The following OXSR1 variants were observed in gnomAD, a reference collection of about 807,000 sequenced individuals.
OXSR1 encodes serine/threonine-protein kinase OSR1.
OXSR1 carries 24 observed loss-of-function variants against 79.8 expected under a neutral mutation model. The observed-to-expected ratio is 0.30, with a 90% CI of 0.22 to 0.42. OXSR1 has a LOEUF of 0.42. Ranked by LOEUF, OXSR1 falls within the 10% of genes least tolerant of loss-of-function variation. The probability of loss-of-function intolerance (pLI) is 1.00; values close to 1 mark genes in which losing one functional copy is unlikely to be tolerated. For missense variants in OXSR1, 430 were observed against 618.4 expected, an observed-to-expected ratio of 0.70 and a Z score of 3.23; for synonymous variants, 226 against 209.2, an observed-to-expected ratio of 1.08 and a Z score of -0.69.
At chr3:38,202,498 G>C (rs955293362) in intron 4 of OXSR1, among the ~76,000 whole-genome samples, 4 of 152,138 alleles carry the variant, frequency 2.6e-5, no homozygotes, top group Non-Finnish European at 5.9e-5. Flanking sequence ...TCCTGCCCAA[G>C]CCTCTCTAGT....
At chr3:38,202,275 A>T (rs1482573293) in intron 4 of OXSR1, among the ~76,000 whole-genome samples, 18 of 152,236 alleles carry the variant, frequency 1.2e-4, no homozygotes, top group Admixed American at 1.2e-3. Flanking sequence ...TGATTGTTAA[A>T]GTTTCTTGGG....
intron 1 of OXSR1, among the ~76,000 whole-genome samples, chr3:38,180,200 C>A (rs1334117107): frequency 6.6e-6 from 1 of 152,112 alleles, no homozygotes; most frequent in Non-Finnish European, 1.5e-5. Context: ...GCCTCAGCCG[C>A]CTAAAGTGCT....
At chr3:38,240,257 A>G (rs1158429836) in intron 11 of OXSR1, among the ~76,000 whole-genome samples, 1 of 152,166 alleles carries the variant, frequency 6.6e-6, no homozygotes, top group East Asian at 1.9e-4. Context: ...TGTATATGCA[A>G]AACAGTTCAG....
intron 2 of OXSR1, among the ~76,000 whole-genome samples, chr3:38,188,080 T>C (rs188955945): frequency 1.3e-5 from 2 of 152,326 alleles, no homozygotes; most frequent in Admixed American, 1.3e-4. Flanking sequence ...AGAAAAAGAA[T>C]ATTTAAGCCC....
rs926710398 is a variant in OXSR1 at position 38,198,811 on chromosome 3, C to T, written c.382C>T (p.Arg128Ter). The change falls in exon 4 of 18, where the codon CGA (arginine) becomes TGA (stop). Residue 128 changes from arginine to a stop codon, truncating the protein, a stop_gained. Transcript: ENST00000311806. LOFTEE classifies it high-confidence loss of function. ...LDESTIATIL[R>*]EVLEGLEYLH... is the part of the protein sequence containing the mutation. ...TGAATCTACCATTGCTACGATACTC[C>T]GAGAAGTACTGGAAGGGCTGGAATA... 1.9e-6 allele frequency: 3 copies of T among 1,613,194 alleles called. No individual in the cohort carries two copies. The highest frequency in any genetic ancestry group is 1.1e-5 in the South Asian group (1 of 91,046).
intron 10 of OXSR1, among the ~76,000 whole-genome samples, chr3:38,232,117 A>C (rs1702820837): frequency 6.6e-6 from 1 of 151,764 alleles, no homozygotes; most frequent in Non-Finnish European, 1.5e-5. Context: ...AAAAAAAACA[A>C]AAGAAGAGCG....
At chr3:38,201,749 A>G (rs1235812041) in intron 4 of OXSR1, among the ~76,000 whole-genome samples, 1 of 152,010 alleles carries the variant, frequency 6.6e-6, no homozygotes, top group East Asian at 1.9e-4. Flanking sequence ...CTGTGGTCTC[A>G]GCTACTCAGG....
At chr3:38,205,200 C>T (rs1702244029) in intron 4 of OXSR1, among the ~76,000 whole-genome samples, 1 of 152,220 alleles carries the variant, frequency 6.6e-6, no homozygotes, top group Non-Finnish European at 1.5e-5. Flanking sequence ...TCTTTCCTAT[C>T]ACCATTAGTG....
intron 5 of OXSR1, among the ~76,000 whole-genome samples, chr3:38,218,958 G>A (rs1279456989): frequency 6.6e-6 from 1 of 152,024 alleles, no homozygotes; most frequent in Non-Finnish European, 1.5e-5. Context: ...AGTCCATCTT[G>A]AACTTTAATT....
chr3:38,198,498 G>A (rs897088917), intron 3 of OXSR1, among the ~76,000 whole-genome samples: 1 of 152,070 alleles, frequency 6.6e-6, no homozygotes, highest in African/African-American at 2.4e-5. Context: ...GGAGATGCTG[G>A]CATAACATAC....
intron 8 of OXSR1, among the ~76,000 whole-genome samples, chr3:38,226,802 C>T (rs1399856700): frequency 1.3e-5 from 2 of 151,426 alleles, no homozygotes; most frequent in Non-Finnish European, 2.9e-5. Flanking sequence ...ATTAAGAAGA[C>T]GTGAAGACGG....
At chr3:38,180,812 G>A (rs894860408) in intron 1 of OXSR1, among the ~76,000 whole-genome samples, 2 of 151,970 alleles carry the variant, frequency 1.3e-5, no homozygotes, top group Admixed American at 6.6e-5. Context: ...GGGATTATAG[G>A]CATGAGCCAC....
At position 38,165,714 on chromosome 3, in the gene OXSR1, C is replaced by G. The variant is rs1238476775; in HGVS notation, c.-163C>G. The G allele has an allele frequency of 3.4e-6, 2 of 591,036 alleles. No homozygotes were observed. Among genetic ancestry groups the G allele is most frequent in the African/African-American group, 4.0e-5 (2 of 50,250 alleles). The allele number at this position is 591,036 out of a possible 1,614,324, so 36.6% of individuals were successfully genotyped here. The stretch of plus-strand genomic sequence containing the variant: ...TCTGAGCCCCCGCTGCTCTGCCGCG[C>G]GGTGACCCCGCGCCCCGGCGCCGTC... On this transcript the variant is annotated 5_prime_UTR_variant, in exon 1 of 18. Coordinates refer to ENST00000311806, the MANE Select transcript of OXSR1 (RefSeq NM_005109.3).
intron 8 of OXSR1, among the ~76,000 whole-genome samples, chr3:38,226,112 C>T (rs915167215): frequency 9.9e-5 from 15 of 151,950 alleles, no homozygotes; most frequent in African/African-American, 2.7e-4. Flanking sequence ...TTATTTTTGA[C>T]GGAAGTAGTC....
chr3:38,236,776 T>A, intron 10 of OXSR1, 63 bp from the exon 11 acceptor site: 1 of 1,424,774 alleles, frequency 7.0e-7, no homozygotes, highest in Non-Finnish European at 9.5e-7. Flanking sequence ...GAGAGAAATA[T>A]GGAGTTTTCT....
At chr3:38,221,525 C>A in intron 5 of OXSR1, 53 bp from the exon 6 acceptor site, 2 of 918,496 alleles carry the variant, frequency 2.2e-6, no homozygotes, top group South Asian at 1.4e-5. Context: ...TTTTCCTATT[C>A]ATTTATGATA....
At chr3:38,201,120 G>A (rs894410180) in intron 4 of OXSR1, among the ~76,000 whole-genome samples, 4 of 151,920 alleles carry the variant, frequency 2.6e-5, no homozygotes, top group African/African-American at 9.7e-5. Context: ...CGCCCAGGCT[G>A]GTCTTGAGCT....
intron 1 of OXSR1, among the ~76,000 whole-genome samples, chr3:38,180,241 C>T (rs1009166390): frequency 1.2e-4 from 19 of 152,172 alleles, no homozygotes; most frequent in Admixed American, 2.0e-4. Flanking sequence ...CTGTTCCTGG[C>T]GGAAAAAATC....
chr3:38,215,395 C>T (rs981976891), intron 4 of OXSR1, among the ~76,000 whole-genome samples: 2 of 151,988 alleles, frequency 1.3e-5, no homozygotes, highest in African/African-American at 4.8e-5. Flanking sequence ...TTTTGCTACT[C>T]TTAGGATTTG....
Sources: gnomAD v4.1 joint callset for allele counts (sites outside exome capture counted in the v4.1 genomes callset) on GRCh38, gnomAD v4.1.1 for gene constraint, MANE v1.5 for transcripts, NCBI Gene and HGNC (gene_info 2026-07-23, HGNC 2026-07-21) for gene names.